The following ZNF215 variants were observed in gnomAD, a reference collection of about 807,000 sequenced individuals.
ZNF215 encodes BWSCR2-associated zinc finger protein 2.
In ZNF215, 24 loss-of-function variants were observed where a neutral mutation model predicts 27.2. That is an observed-to-expected ratio of 0.88 (90% CI 0.64 to 1.24). ZNF215 has a LOEUF of 1.24. Ranked by LOEUF, ZNF215 falls within the 50% of genes most tolerant of loss-of-function variation. The probability of loss-of-function intolerance (pLI) is 0.00; values close to 1 mark genes in which losing one functional copy is unlikely to be tolerated. For synonymous variants in ZNF215, 210 were observed against 204.0 expected (o/e 1.03, Z -0.25); for missense variants, 675 against 605.7 (o/e 1.11, Z -1.20).
In ZNF215 at chr11:6,944,393, C is replaced by CTT. The variant is rs74576992; in HGVS notation, c.712+768_712+769dup. On this transcript the variant is annotated intron_variant, in intron 6 of 6. Transcript: ENST00000278319. ...GATTTCTAGTAATCTTCCATTTTTC[C>CTT]TTTTTTTTTTTTTTTTTAAACTGTA... is the stretch of plus-strand genomic sequence containing the variant. 9.5e-5 allele frequency among the ~76,000 whole-genome samples: 13 copies of CTT among 136,658 alleles called. No homozygotes were observed. The South Asian group carries it at 2.9e-3, about 30-fold the overall frequency. 89.7% of individuals were successfully genotyped at this position (136,658 alleles called of 152,430 possible).
chr11:6,976,972 G>C (rs976039929), intron 5 of ZNF215, among the ~76,000 whole-genome samples: 2 of 152,118 alleles, frequency 1.3e-5, no homozygotes, highest in Admixed American at 6.6e-5. Flanking sequence ...GGGAGAATCT[G>C]TTCTTCACCT....
chr11:6,936,610 C>A (rs954931204), intron 3 of ZNF215, among the ~76,000 whole-genome samples: 1 of 152,024 alleles, frequency 6.6e-6, no homozygotes, highest in Non-Finnish European at 1.5e-5. Context: ...ATAGGAGGAA[C>A]ACTTCTTAAG....
chr11:6,928,510 A>T (rs546285186), intron 2 of ZNF215, among the ~76,000 whole-genome samples: 2 of 152,278 alleles, frequency 1.3e-5, no homozygotes, highest in Middle Eastern at 3.4e-3. Flanking sequence ...TTAATTCACT[A>T]AACTCTTGAA....
At chr11:6,962,522 A>G (rs563322815), downstream of ZNF215, among the ~76,000 whole-genome samples, 2 of 152,096 alleles carry the variant, frequency 1.3e-5, no homozygotes, top group East Asian at 3.9e-4. Context: ...TGGAAGTCCA[A>G]CTCCTTCTTG....
intron 6 of ZNF215, among the ~76,000 whole-genome samples, chr11:6,950,958 G>C (rs1850031525): frequency 6.6e-6 from 1 of 151,952 alleles, no homozygotes; most frequent in African/African-American, 2.4e-5. Context: ...GTTGAATTTT[G>C]TCCAAGGCCT....
rs776363854 is a variant in ZNF215 at position 6,957,267 on chromosome 11, C to G, written c.*736C>G. ...AAATATCGATTCCCAGCCAGGGACA[C>G]TGTGTGGAGTTCGCACACTCTCCCT... is the stretch of plus-strand genomic sequence containing the variant. On this transcript the variant is annotated 3_prime_UTR_variant, in exon 7 of 7. Coordinates refer to ENST00000278319, the MANE Select transcript of ZNF215 (RefSeq NM_013250.4). 1.6e-5 allele frequency: 14 copies of G among 878,178 alleles called. No homozygotes were observed. Among genetic ancestry groups the G allele is most frequent in the Non-Finnish European group, 1.9e-5 (14 of 732,268 alleles). 54.4% of individuals were successfully genotyped at this position (878,178 alleles called of 1,614,324 possible). A position where few individuals can be genotyped will look rare whatever the true frequency, so the allele number is the denominator to read the frequency against.
chr11:6,957,611 C>T lies in ZNF215; in HGVS notation c.*1080C>T, dbSNP rs1850415953. 3.1e-6 allele frequency: 1 copy of T among 325,510 alleles called. No individual in the cohort carries two copies. The highest frequency in any genetic ancestry group is 6.5e-5 in the Admixed American group (1 of 15,454). 20.2% of individuals were successfully genotyped at this position (325,510 alleles called of 1,614,324 possible). On this transcript the variant is annotated 3_prime_UTR_variant, in exon 7 of 7. Coordinates refer to ENST00000278319, the MANE Select transcript of ZNF215 (RefSeq NM_013250.4). ...TTTAGAAGTTTGATGATGTTGTGAC[C>T]AGACATTTGCCTTAGGAACTTAACT...
intron 5 of ZNF215, among the ~76,000 whole-genome samples, chr11:6,968,044 C>T (rs139732462): frequency 2.6e-5 from 4 of 152,310 alleles, no homozygotes; most frequent in African/African-American, 7.2e-5. Context: ...AATAGGGAAT[C>T]CTTTCCCCAT....
downstream of ZNF215, among the ~76,000 whole-genome samples, chr11:6,986,601 T>G (rs1851056494): frequency 6.6e-6 from 1 of 152,160 alleles, no homozygotes; most frequent in Admixed American, 6.6e-5. Context: ...GTAGAAAGTA[T>G]TTGTAAACTA....
intron 5 of ZNF215, among the ~76,000 whole-genome samples, chr11:6,979,751 A>G (rs1850909304): frequency 6.6e-6 from 1 of 152,086 alleles, no homozygotes; most frequent in African/African-American, 2.4e-5. Flanking sequence ...TTTAAATGTT[A>G]TTAACAGACT....
At chr11:6,973,345 C>T (rs1246447630) in intron 5 of ZNF215, among the ~76,000 whole-genome samples, 1 of 152,100 alleles carries the variant, frequency 6.6e-6, no homozygotes, top group African/African-American at 2.4e-5. Context: ...TGAATAGTGC[C>T]ACAATAAACA....
intron 6 of ZNF215, among the ~76,000 whole-genome samples, chr11:6,954,923 G>A (rs922393417): frequency 3.3e-5 from 5 of 152,184 alleles, no homozygotes; most frequent in Admixed American, 2.0e-4. Context: ...AGAATATAGA[G>A]TATACAGAGT....
chr11:6,982,103 G>A (rs1236246068), intron 5 of ZNF215, among the ~76,000 whole-genome samples: 1 of 151,898 alleles, frequency 6.6e-6, no homozygotes, highest in African/African-American at 2.4e-5. Context: ...CTCTTTTTTG[G>A]TTCCATATGA....
downstream of ZNF215, chr11:6,988,390 CCTTTACTAGG>C: frequency 2.9e-6 from 1 of 341,044 alleles, no homozygotes; most frequent in Non-Finnish European, 4.1e-6. Context: ...TGATCAGCCT[CCTTTACTAGG>C]CTTTAATGTA....
intron 2 of ZNF215, among the ~76,000 whole-genome samples, chr11:6,930,076 C>G (rs1849195980): frequency 6.6e-6 from 1 of 151,426 alleles, no homozygotes; most frequent in South Asian, 2.1e-4. Flanking sequence ...CTTTGATGTG[C>G]CCCAATAAAT....
At position 6,941,086 on chromosome 11, in the gene ZNF215, A is replaced by T. The variant is rs555670930; in HGVS notation, c.401-485A>T. On this transcript the variant is annotated intron_variant, in intron 3 of 6. Coordinates refer to ENST00000278319, the MANE Select transcript of ZNF215 (RefSeq NM_013250.4). Reference sequence around the variant, plus strand: ...ATGTTTTGAAAGAAGCAATAGTTCAAGGTGGACAGGTTGCTTAGGTCTATG... The same window carrying T: ...ATGTTTTGAAAGAAGCAATAGTTCATGGTGGACAGGTTGCTTAGGTCTATG... 1.2e-4 allele frequency among the ~76,000 whole-genome samples: 18 copies of T among 152,346 alleles called. No homozygotes were observed. The South Asian group carries it at 3.7e-3, about 32-fold the overall frequency.
chr11:6,966,897 G>T (rs1412216743), intron 5 of ZNF215, among the ~76,000 whole-genome samples: 4 of 151,818 alleles, frequency 2.6e-5, no homozygotes, highest in Admixed American at 6.6e-5. Context: ...TGCCATGGTG[G>T]TTTGCTGCAT....
intron 1 of ZNF215, among the ~76,000 whole-genome samples, chr11:6,927,164 TG>T (rs1323139355): frequency 6.6e-6 from 1 of 152,182 alleles, no homozygotes; most frequent in Non-Finnish European, 1.5e-5. Context: ...ATCAATCAAC[TG>T]GGAAAGACAA....
At chr11:6,954,871 A>T (rs1291871644) in intron 6 of ZNF215, among the ~76,000 whole-genome samples, 3 of 152,240 alleles carry the variant, frequency 2.0e-5, no homozygotes, top group Non-Finnish European at 4.4e-5. Flanking sequence ...CTATTCGGCC[A>T]TCTTGGCTCC....
Sources: allele counts gnomAD v4.1 joint callset (sites outside exome capture counted in the v4.1 genomes callset), GRCh38; gene constraint gnomAD v4.1.1; transcripts MANE v1.5; gene names NCBI Gene and HGNC (gene_info 2026-07-23, HGNC 2026-07-21).